Variants in TRPM3 observed in about 807,000 individuals in gnomAD.
TRPM3 encodes the protein transient receptor potential cation channel subfamily M member 3, also known as long transient receptor potential channel 3.
TRPM3 carries 77 observed loss-of-function variants against 181.2 expected under a neutral mutation model. The observed-to-expected ratio is 0.42, with a 90% confidence interval of 0.35 to 0.51. The LOEUF is 0.51. TRPM3 is among the 20% of genes least tolerant of loss of function. The probability of loss-of-function intolerance (pLI) is 0.01; values close to 1 mark genes in which losing one functional copy is unlikely to be tolerated. For missense variants in TRPM3, 1,759 were observed against 2,196.7 expected, an observed-to-expected ratio of 0.80 and a Z score of 3.98; for synonymous variants, 745 against 796.4, an observed-to-expected ratio of 0.94 and a Z score of 1.09.
chr9:70,541,561 G>T (rs1343504598), intron 25 of TRPM3, among the ~76,000 whole-genome samples: 1 of 148,648 alleles, frequency 6.7e-6, no homozygotes, highest in Admixed American at 6.7e-5. Context: ...GCCCAGGCTG[G>T]AGTGGAGTGG....
At chr9:71,306,888 A>AC (rs2087395416) in intron 1 of TRPM3, among the ~76,000 whole-genome samples, 2 of 151,958 alleles carry the variant, frequency 1.3e-5, no homozygotes, top group African/African-American at 4.8e-5. Flanking sequence ...AACAACAACA[A>AC]AAACACCTTA....
chr9:70,595,655 C>A (rs2058880075), intron 21 of TRPM3, among the ~76,000 whole-genome samples: 1 of 152,172 alleles, frequency 6.6e-6, no homozygotes, highest in African/African-American at 2.4e-5. Context: ...AAAATTCACA[C>A]ACCCACACAT....
chr9:71,093,808 T>C (rs897462962), intron 1 of TRPM3, among the ~76,000 whole-genome samples: 6 of 152,206 alleles, frequency 3.9e-5, no homozygotes, highest in South Asian at 2.1e-4. Flanking sequence ...TGCAGCACTA[T>C]TTACAATAGC....
At chr9:71,060,336 T>C (rs1220649962) in intron 1 of TRPM3, among the ~76,000 whole-genome samples, 1 of 152,098 alleles carries the variant, frequency 6.6e-6, no homozygotes, top group Admixed American at 6.6e-5. Context: ...CAGCTAACAT[T>C]TCTCAGCATT....
chr9:70,853,431 G>A (rs1412251764), intron 3 of TRPM3, among the ~76,000 whole-genome samples: 1 of 152,206 alleles, frequency 6.6e-6, no homozygotes, highest in Non-Finnish European at 1.5e-5. Flanking sequence ...GGTACCACAT[G>A]AGCAGCAAGA....
At chr9:70,579,467 T>G (rs1232904720) in intron 22 of TRPM3, 1 of 152,198 alleles carries the variant, frequency 6.6e-6, no homozygotes, top group African/African-American at 2.4e-5. Context: ...CCAGTGGGAA[T>G]AGATTTTTTG....
At chr9:70,543,947 T>A (rs2044204011) in intron 25 of TRPM3, among the ~76,000 whole-genome samples, 2 of 152,216 alleles carry the variant, frequency 1.3e-5, no homozygotes, top group South Asian at 4.1e-4. Context: ...GGACTCACTC[T>A]GTGGCAGTGG....
rs779779700 is a variant in TRPM3, at chr9:70,625,506, T to C, written c.1644A>G (p.Pro548=). The C allele has an allele frequency of 1.2e-6, 2 of 1,612,604 alleles. No homozygotes were observed. The highest frequency in any genetic ancestry group is 1.7e-6 in the Non-Finnish European group (2 of 1,179,618). The part of the protein sequence containing the change: ...LVRDVKKREY[P]GFGWIYFKGN... ...CCTTAAAATAGATCCAACCGAAACC[T>C]GGATACTCTCGCTTGGAAAGAAGAC... Residue 548 remains proline (P), a synonymous_variant, in exon 13 of 26, where the codon CCA becomes CCG. Coordinates refer to ENST00000677713, the MANE Select transcript of TRPM3 (RefSeq NM_001366145.2). This position sits in a 1 kb window ranked among gnomAD's most constrained non-coding sequence, Gnocchi z 4.8.
At chr9:70,578,981 G>A (rs571940937) in intron 22 of TRPM3, among the ~76,000 whole-genome samples, 15 of 152,268 alleles carry the variant, frequency 9.9e-5, no homozygotes, top group South Asian at 8.3e-4. Flanking sequence ...TCTCTTTGCT[G>A]GGTGGTGGTT....
intron 1 of TRPM3, among the ~76,000 whole-genome samples, chr9:71,083,716 A>ACACACT (rs2064795941): frequency 4.9e-5 from 3 of 60,768 alleles, no homozygotes; most frequent in African/African-American, 2.0e-4. Flanking sequence ...TATTATGTAC[A>ACACACT]CACACACACA....
intron 22 of TRPM3, among the ~76,000 whole-genome samples, chr9:70,571,191 G>T (rs913931476): frequency 6.6e-5 from 10 of 152,072 alleles, no homozygotes; most frequent in African/African-American, 2.4e-4. Context: ...CAGGACCCAG[G>T]CTCCGGAGCC....
intron 1 of TRPM3, among the ~76,000 whole-genome samples, chr9:71,176,273 A>G (rs908422359): frequency 6.6e-6 from 1 of 152,154 alleles, no homozygotes; most frequent in African/African-American, 2.4e-5. Flanking sequence ...AAGACCTTCC[A>G]GTGGGACAAG....
Position 71,201,583 on chromosome 9 carries a change from T to A in TRPM3, c.183+245070A>T, listed in dbSNP as rs1338706086. Among the ~76,000 whole-genome samples, 3 of 152,208 alleles carry A rather than the reference T, an allele frequency of 2.0e-5. No homozygotes were observed. In the South Asian group the frequency reaches 6.2e-4, roughly 32 times the overall value. On this transcript the variant is annotated intron_variant, in intron 1 of 24. Transcript: ENST00000357533. ...AGGCTTTGTTCGTTTCTTTTTATTCTTTTTTCTCTAAACTTCCCTTCCCGC... is the reference window on the plus strand; with the variant it reads ...AGGCTTTGTTCGTTTCTTTTTATTCATTTTTCTCTAAACTTCCCTTCCCGC...
chr9:71,289,305 A>G (rs1049237588), intron 1 of TRPM3, among the ~76,000 whole-genome samples: 1 of 152,128 alleles, frequency 6.6e-6, no homozygotes, highest in Non-Finnish European at 1.5e-5. Context: ...GAAACCATCA[A>G]AAATTGACCT....
At chr9:71,392,757 G>A (rs2093092266) in intron 1 of TRPM3, among the ~76,000 whole-genome samples, 1 of 151,870 alleles carries the variant, frequency 6.6e-6, no homozygotes, top group Non-Finnish European at 1.5e-5. Context: ...GAGTTTCTTG[G>A]GAAGCTACAT....
At position 71,152,160 on chromosome 9, in the gene TRPM3, C is replaced by T. The variant is rs187231298; in HGVS notation, c.184-287649G>A. Among the ~76,000 whole-genome samples the T allele has an allele frequency of 8.1e-3, 1,240 of 152,226 alleles. 10 individuals carry two copies. The highest frequency in any genetic ancestry group is 0.014 in the Non-Finnish European group (935 of 67,998). ...AACTCCTTGTTGATAAGAATTTTAT[C>T]ACCTTCAACTTGCTCTGTAATAAAC... On this transcript the variant is annotated intron_variant, in intron 1 of 24. Coordinates refer to the TRPM3 transcript ENST00000357533.
chr9:71,279,920 A>T (rs2084563721), intron 1 of TRPM3, among the ~76,000 whole-genome samples: 1 of 152,054 alleles, frequency 6.6e-6, no homozygotes, highest in Non-Finnish European at 1.5e-5. Flanking sequence ...TCTACTAAAA[A>T]ATACAAAAAT....
At chr9:70,543,773 A>G (rs2044135166) in intron 25 of TRPM3, among the ~76,000 whole-genome samples, 1 of 152,226 alleles carries the variant, frequency 6.6e-6, no homozygotes. Context: ...TGTTGCCATC[A>G]AGGAGAAAAT....
At chr9:71,090,333 G>T (rs1445852886) in intron 1 of TRPM3, among the ~76,000 whole-genome samples, 2 of 152,182 alleles carry the variant, frequency 1.3e-5, no homozygotes, top group South Asian at 4.1e-4. Context: ...TTCCTTAGCT[G>T]CAAACTGTCT....
Sources: gnomAD v4.1 joint callset for allele counts (sites outside exome capture counted in the v4.1 genomes callset) on GRCh38, gnomAD v4.1.1 for gene constraint, Gnocchi (gnomAD v3.1) non-coding constraint, MANE v1.5 for transcripts, NCBI Gene and HGNC (gene_info 2026-07-23, HGNC 2026-07-21) for gene names.